Variants in NLGN1 observed in about 807,000 individuals in gnomAD.
The protein encoded by NLGN1 is neuroligin 1, also known as neuroligin-1.
NLGN1 carries 12 observed loss-of-function variants against 65.5 expected under a neutral mutation model. That is an observed-to-expected ratio of 0.18 (90% CI 0.12 to 0.30). The LOEUF (loss-of-function observed/expected upper bound fraction) is 0.30. NLGN1 is among the 10% of genes least tolerant of loss of function. The pLI is 1.00. For synonymous variants in NLGN1, 350 were observed against 359.5 expected (o/e 0.97, Z 0.30); for missense variants, 750 against 1,007.1 (o/e 0.74, Z 3.46).
At chr3:173,603,805 G>T (rs990794032) in intron 2 of NLGN1, among the ~76,000 whole-genome samples, 1 of 151,942 alleles carries the variant, frequency 6.6e-6, no homozygotes, top group Non-Finnish European at 1.5e-5. Flanking sequence ...ATGGGATTGG[G>T]AGCCACCTTT....
At position 173,551,386 on chromosome 3, in the gene NLGN1, T is replaced by A. The variant is rs150982704; in HGVS notation, c.-320-52893T>A. The stretch of plus-strand genomic sequence containing the variant: ...GCTAATATCTGTATTATGGATTCAT[T>A]AAATTGCTTGTATACTCTTTACCAC... On this transcript the variant is annotated intron_variant, in intron 2 of 6. Transcript: ENST00000457714. Among the ~76,000 whole-genome samples, 6 of 152,318 alleles carry A rather than the reference T, an allele frequency of 3.9e-5. No homozygotes were observed. In the East Asian group the frequency reaches 1.2e-3, roughly 29 times the overall value.
At chr3:173,805,063 G>C (rs979685397) in intron 3 of NLGN1, among the ~76,000 whole-genome samples, 15 of 152,006 alleles carry the variant, frequency 9.9e-5, no homozygotes, top group Middle Eastern at 3.2e-3. Context: ...GCCTAAGGTG[G>C]ACCACTCTGA....
chr3:173,920,296 G>C (rs1340903149), intron 4 of NLGN1, among the ~76,000 whole-genome samples: 1 of 152,062 alleles, frequency 6.6e-6, no homozygotes, highest in Admixed American at 6.6e-5. Context: ...TCCTAAAGCA[G>C]GTGTGTTAGA....
At chr3:174,019,494 CT>C (rs1727293066) in intron 4 of NLGN1, among the ~76,000 whole-genome samples, 2 of 152,200 alleles carry the variant, frequency 1.3e-5, no homozygotes, top group South Asian at 2.1e-4. Context: ...AAATCAATTT[CT>C]TTTCTTGACA....
intron 4 of NLGN1, among the ~76,000 whole-genome samples, chr3:174,053,959 T>C (rs1735487511): frequency 2.0e-5 from 3 of 152,020 alleles, no homozygotes; most frequent in Non-Finnish European, 4.4e-5. Context: ...TATGCCAAGC[T>C]TCTTGAATAT....
intron 3 of NLGN1, among the ~76,000 whole-genome samples, chr3:173,636,544 C>A (rs1756623626): frequency 6.6e-6 from 1 of 151,864 alleles, no homozygotes; most frequent in South Asian, 2.1e-4. Context: ...CTACTCTTAG[C>A]ATATCGTTTT....
At chr3:174,132,863 C>A (rs564073511) in intron 4 of NLGN1, among the ~76,000 whole-genome samples, 5 of 152,276 alleles carry the variant, frequency 3.3e-5, no homozygotes, top group South Asian at 4.1e-4. Flanking sequence ...GTTTACCAAG[C>A]GAGTAACCCA....
intron 2 of NLGN1, among the ~76,000 whole-genome samples, chr3:173,542,726 CCT>C (rs1366544497): frequency 6.6e-6 from 1 of 151,926 alleles, no homozygotes; most frequent in Admixed American, 6.6e-5. Context: ...CATTCTAACC[CCT>C]GTCTCATCTC....
intron 2 of NLGN1, among the ~76,000 whole-genome samples, chr3:173,485,454 A>G (rs1237333255): frequency 6.6e-6 from 1 of 152,168 alleles, no homozygotes; most frequent in African/African-American, 2.4e-5. Flanking sequence ...GAATTTCAGG[A>G]TTAATTTTTC....
chr3:173,471,146 G>T (rs972958735), intron 2 of NLGN1, among the ~76,000 whole-genome samples: 4 of 152,130 alleles, frequency 2.6e-5, no homozygotes, highest in Non-Finnish European at 5.9e-5. Flanking sequence ...ATTGTACTTT[G>T]AAGTACTACT....
intron 4 of NLGN1, among the ~76,000 whole-genome samples, chr3:174,151,132 G>C (rs1724258700): frequency 6.7e-6 from 1 of 149,866 alleles, no homozygotes; most frequent in Admixed American, 6.7e-5. Context: ...ATCATATATT[G>C]ATGAGTGGTG....
At chr3:173,484,916 T>A (rs115490127) in intron 2 of NLGN1, among the ~76,000 whole-genome samples, 1,875 of 152,052 alleles carry the variant, frequency 0.012, 36 homozygotes, top group African/African-American at 0.044. Flanking sequence ...GAACTAGATG[T>A]TCTGCAAGGG....
At chr3:174,294,300 ATTCG>A in the NLGN1 span, among the ~76,000 whole-genome samples, 4 of 151,378 alleles carry the variant, frequency 2.6e-5, no homozygotes, top group Non-Finnish European at 5.9e-5. Context: ...TATTTTTTCT[ATTCG>A]TTTATTAATC....
intron 4 of NLGN1, among the ~76,000 whole-genome samples, chr3:174,085,736 G>C (rs1743102393): frequency 6.6e-6 from 1 of 151,966 alleles, no homozygotes; most frequent in Non-Finnish European, 1.5e-5. Context: ...TTTTTAATCT[G>C]TCACTAAACT....
At chr3:173,637,573 T>A (rs1391613889) in intron 3 of NLGN1, among the ~76,000 whole-genome samples, 1 of 152,150 alleles carries the variant, frequency 6.6e-6, no homozygotes, top group East Asian at 1.9e-4. Context: ...AATGAGAATT[T>A]GATTTGTATG....
intron 4 of NLGN1, among the ~76,000 whole-genome samples, chr3:173,839,568 A>G (rs1369808767): frequency 6.6e-6 from 1 of 151,998 alleles, no homozygotes; most frequent in Non-Finnish European, 1.5e-5. Context: ...GACTACAGGC[A>G]TGCGCCATCA....
rs1286652771 is a variant in NLGN1, at chr3:173,760,768, T to C, written c.494-46912T>C. On this transcript the variant is annotated intron_variant, in intron 3 of 6. Transcript: ENST00000457714. ...AGAGAAAAGCATATAAAAGACAGCTTATTCATATTCTGCCCTCAGTCACAG... is the reference window on the plus strand; with the variant it reads ...AGAGAAAAGCATATAAAAGACAGCTCATTCATATTCTGCCCTCAGTCACAG... Among the ~76,000 whole-genome samples the C allele has an allele frequency of 2.0e-5, 3 of 152,034 alleles. No homozygotes were observed. The East Asian group carries it at 5.8e-4, about 29-fold the overall frequency.
intron 3 of NLGN1, among the ~76,000 whole-genome samples, chr3:173,804,677 A>G (rs1014132913): frequency 2.7e-5 from 4 of 148,228 alleles, no homozygotes; most frequent in African/African-American, 9.9e-5. Flanking sequence ...AAAAAACCCT[A>G]TAAACTAAGC....
chr3:174,115,486 G>A (rs1278492189), intron 4 of NLGN1, among the ~76,000 whole-genome samples: 2 of 152,106 alleles, frequency 1.3e-5, no homozygotes, highest in Non-Finnish European at 2.9e-5. Context: ...TTTTTGTCAT[G>A]TGTTACACAG....
Sources: gnomAD v4.1 joint callset for allele counts (sites outside exome capture counted in the v4.1 genomes callset) on GRCh38, gnomAD v4.1.1 for gene constraint, MANE v1.5 for transcripts, NCBI Gene and HGNC (gene_info 2026-07-23, HGNC 2026-07-21) for gene names.